TMEM114: variants seen among roughly 807,000 people sequenced by gnomAD.
TMEM114 encodes claudin-26.
Under a neutral mutation model 6.2 loss-of-function variants are expected in TMEM114, and 6 were observed. That is an observed-to-expected ratio of 0.97 (90% CI 0.53 to 1.91). TMEM114 has a LOEUF of 1.91. Among genes scored for constraint, TMEM114 ranks in the 40% most tolerant of loss-of-function variants. The pLI, the probability that TMEM114 is intolerant of heterozygous loss-of-function variation, is 0.01. For missense variants in TMEM114, 218 were observed against 158.3 expected, an observed-to-expected ratio of 1.38 and a Z score of -2.02; for synonymous variants, 104 against 73.0, an observed-to-expected ratio of 1.42 and a Z score of -2.16.
At chr16:8,540,615 A>AAC (rs71396280) in intron 2 of TMEM114, among the ~76,000 whole-genome samples, 36,511 of 152,054 alleles carry the variant, frequency 0.24, 4,660 homozygotes, top group African/African-American at 0.33. Context: ...GGTGAAGTAG[A>AAC]ATTCAATTCA....
intron 2 of TMEM114, among the ~76,000 whole-genome samples, chr16:8,550,523 A>G (rs542357873): frequency 1.2e-3 from 182 of 152,196 alleles, no homozygotes; most frequent in African/African-American, 4.2e-3. Context: ...TACTAAAAAT[A>G]CAAAATTAGC....
chr16:8,551,109 G>A (rs993960238), intron 2 of TMEM114, among the ~76,000 whole-genome samples: 1 of 152,148 alleles, frequency 6.6e-6, no homozygotes, highest in South Asian at 2.1e-4. Flanking sequence ...AACGTGCTGC[G>A]GTCTCTGGCA....
intron 2 of TMEM114, among the ~76,000 whole-genome samples, chr16:8,547,088 T>C (rs1044589603): frequency 5.9e-5 from 9 of 152,190 alleles, no homozygotes; most frequent in Non-Finnish European, 1.0e-4. Context: ...GTCCTCAGGC[T>C]CTTTTCCAGA....
At chr16:8,564,169 GTAAA>G (rs1452449765) in intron 2 of TMEM114, among the ~76,000 whole-genome samples, 2 of 151,280 alleles carry the variant, frequency 1.3e-5, no homozygotes, top group African/African-American at 2.5e-5. Context: ...GAATGAGTGA[GTAAA>G]TGAGTGAGTG....
At chr16:8,566,341 C>T (rs907069750), downstream of TMEM114, among the ~76,000 whole-genome samples, 3 of 150,830 alleles carry the variant, frequency 2.0e-5, no homozygotes, top group Admixed American at 6.6e-5. Context: ...TGAGCCATTG[C>T]ACCCCAGCCT....
At chr16:8,562,128 GTGAGTGAA>G (rs1901249657) in intron 2 of TMEM114, among the ~76,000 whole-genome samples, 1 of 151,792 alleles carries the variant, frequency 6.6e-6, no homozygotes, top group Non-Finnish European at 1.5e-5. Flanking sequence ...AAGTGAATGA[GTGAGTGAA>G]TGAGTGAGTT....
At chr16:8,570,185 G>C (rs1339640573) in intron 3 of TMEM114, among the ~76,000 whole-genome samples, 180 bp from the exon 4 acceptor site, 6 of 152,198 alleles carry the variant, frequency 3.9e-5, no homozygotes, top group African/African-American at 1.4e-4. Flanking sequence ...TTCTCTGCCT[G>C]TCATCGGCAA....
At chr16:8,572,042 A>G (rs759871066) in intron 3 of TMEM114, 45 bp downstream of exon 3, 19 of 1,478,994 alleles carry the variant, frequency 1.3e-5, no homozygotes, top group Non-Finnish European at 1.7e-5. Context: ...CCATTGCCCA[A>G]CCCCCAGACC....
intron 2 of TMEM114, among the ~76,000 whole-genome samples, chr16:8,563,267 C>CAGTG (rs1901348986): frequency 8.6e-6 from 1 of 116,872 alleles, no homozygotes; most frequent in African/African-American, 3.4e-5. Context: ...ATGAATGAGT[C>CAGTG]AGTGAATGAG....
downstream of TMEM114, among the ~76,000 whole-genome samples, chr16:8,534,514 G>A (rs1017196255): frequency 9.2e-5 from 14 of 152,148 alleles, no homozygotes; most frequent in East Asian, 1.2e-3. Context: ...ACCTACATCC[G>A]TAGACATCCC....
the TMEM114 span, among the ~76,000 whole-genome samples, chr16:8,531,048 G>C: frequency 2.4e-4 from 37 of 152,226 alleles, no homozygotes; most frequent in Non-Finnish European, 5.0e-4. Context: ...AGGGAAGAAG[G>C]AAGGGAGGGA....
In TMEM114 at chr16:8,562,526, T is replaced by TAATGAGTGAGTG. The variant is rs1555463499; in HGVS notation, n.213-24712_213-24701dup. On this transcript the variant is annotated intron_variant and non_coding_transcript_variant, in intron 2 of 2. Coordinates refer to the TMEM114 transcript ENST00000623677. ...TAAATGAGTGACTGAATGAGTGAGT[T>TAATGAGTGAGTG]AATGAGTGAGTGAGTGAATGAGTGA... 2.2e-4 allele frequency among the ~76,000 whole-genome samples: 28 copies of TAATGAGTGAGTG among 127,264 alleles called. 1 individual carries two copies. The highest frequency in any genetic ancestry group is 8.0e-4 in the African/African-American group (27 of 33,616). The allele number at this position is 127,264 out of a possible 152,430, so 83.5% of individuals were successfully genotyped here. A position where few individuals can be genotyped will look rare whatever the true frequency, so the allele number is the denominator to read the frequency against.
intron 2 of TMEM114, among the ~76,000 whole-genome samples, chr16:8,563,927 G>A (rs1005067610): frequency 1.3e-5 from 2 of 149,120 alleles, no homozygotes; most frequent in African/African-American, 2.5e-5. Flanking sequence ...ATGAGTAAAT[G>A]AGTGAGTGAA....
At chr16:8,579,430 G>T (rs1295266199) in intron 2 of TMEM114, among the ~76,000 whole-genome samples, 5 of 152,096 alleles carry the variant, frequency 3.3e-5, no homozygotes, top group Admixed American at 3.3e-4. Flanking sequence ...TGTTATGCCT[G>T]GTAAGGCAGT....
downstream of TMEM114, among the ~76,000 whole-genome samples, chr16:8,534,867 G>T (rs778116833): frequency 6.6e-6 from 1 of 152,244 alleles, no homozygotes; most frequent in African/African-American, 2.4e-5. Context: ...AATTATTACT[G>T]TGTCTTCCCC....
At position 8,558,388 on chromosome 16, in the gene TMEM114, C is replaced by G. The variant is rs148839470; in HGVS notation, n.213-20562G>C. Among the ~76,000 whole-genome samples, 252 of 152,314 alleles carry G rather than the reference C, an allele frequency of 1.7e-3. 1 individual carries two copies. Among genetic ancestry groups the G allele is most frequent in the African/African-American group, 5.7e-3 (237 of 41,576 alleles). ...GGTGCATCTTGGCTTGTGGCAGCAT[C>G]TCTCCAACCCCTGCCTCTGTCTTCA... On this transcript the variant is annotated intron_variant and non_coding_transcript_variant, in intron 2 of 2. Transcript: ENST00000623677.
chr16:8,545,206 G>A (rs1477791949), intron 2 of TMEM114, among the ~76,000 whole-genome samples: 2 of 152,166 alleles, frequency 1.3e-5, no homozygotes, highest in Non-Finnish European at 2.9e-5. Flanking sequence ...GGGAGGCCAA[G>A]GTGGGAAGAT....
In TMEM114 at chr16:8,553,563, G is replaced by A. The variant is rs113304989; in HGVS notation, n.213-15737C>T. Among the ~76,000 whole-genome samples the A allele has an allele frequency of 8.5e-5, 13 of 152,248 alleles. 1 individual carries two copies. The highest frequency in any genetic ancestry group is 3.1e-4 in the African/African-American group (13 of 41,534). Reference sequence around the variant, plus strand: ...TGCAGTGGCACGATCTCGACTCACTGCAAGCTCCACCTCCTGGGTTCACGC... The same window carrying A: ...TGCAGTGGCACGATCTCGACTCACTACAAGCTCCACCTCCTGGGTTCACGC... On this transcript the variant is annotated intron_variant and non_coding_transcript_variant, in intron 2 of 2. Coordinates refer to the TMEM114 transcript ENST00000623677.
chr16:8,542,742 G>A (rs527722691), intron 2 of TMEM114, among the ~76,000 whole-genome samples: 18 of 152,218 alleles, frequency 1.2e-4, no homozygotes, highest in Admixed American at 2.6e-4. Context: ...GGAGCCTGGG[G>A]TTAGTGGGTT....
Sources: gnomAD v4.1 joint callset for allele counts (sites outside exome capture counted in the v4.1 genomes callset) on GRCh38, gnomAD v4.1.1 for gene constraint, MANE v1.5 for transcripts, NCBI Gene and HGNC (gene_info 2026-07-23, HGNC 2026-07-21) for gene names.